Variants in ALDH1A2 observed in about 807,000 individuals in gnomAD.
ALDH1A2 encodes the protein retinal dehydrogenase 2.
A neutral mutation model predicts 60.3 loss-of-function variants in ALDH1A2; 27 were observed. The observed-to-expected ratio is 0.45, with a 90% confidence interval of 0.33 to 0.62. The LOEUF is 0.62. Among genes scored for constraint, ALDH1A2 ranks in the 20% least tolerant of loss-of-function variants. The pLI, the probability that ALDH1A2 is intolerant of heterozygous loss-of-function variation, is 0.02. For synonymous variants in ALDH1A2, 289 were observed against 232.4 expected (o/e 1.24, Z -2.21); for missense variants, 581 against 643.8 (o/e 0.90, Z 1.06).
At position 57,954,964 on chromosome 15, in the gene ALDH1A2, T is replaced by C; in HGVS notation, c.*233A>G. The C allele has an allele frequency of 1.7e-6, 1 of 594,052 alleles. No homozygotes were observed. The highest frequency in any genetic ancestry group is 2.0e-5 in the South Asian group (1 of 50,326). 36.8% of individuals were successfully genotyped at this position (594,052 alleles called of 1,614,324 possible). ...CTGCTAGCTCCTCCTCCTCCCTTTA[T>C]CCCACTTTCCCCAATATTTGGTATG... On this transcript the variant is annotated 3_prime_UTR_variant, in exon 13 of 13. Coordinates refer to ENST00000249750, the MANE Select transcript of ALDH1A2 (RefSeq NM_003888.4).
At chr15:57,958,716 G>A (rs896522890) in intron 12 of ALDH1A2, among the ~76,000 whole-genome samples, 1 of 152,092 alleles carries the variant, frequency 6.6e-6, no homozygotes, top group Non-Finnish European at 1.5e-5. Flanking sequence ...CAAATGAGGT[G>A]GAAGAGTTGG....
At chr15:58,002,774 T>C (rs1895317477) in intron 4 of ALDH1A2, among the ~76,000 whole-genome samples, 1 of 151,910 alleles carries the variant, frequency 6.6e-6, no homozygotes, top group Non-Finnish European at 1.5e-5. Flanking sequence ...AATCCCTAAT[T>C]TGTAGACAGA....
intron 1 of ALDH1A2, among the ~76,000 whole-genome samples, chr15:58,031,142 G>A (rs2140540531): frequency 6.6e-6 from 1 of 152,252 alleles, no homozygotes; most frequent in South Asian, 2.1e-4. Flanking sequence ...AACCAAAACA[G>A]CCTGGTACTA....
intron 1 of ALDH1A2, among the ~76,000 whole-genome samples, chr15:58,017,209 G>A (rs1895812960): frequency 6.6e-6 from 1 of 152,170 alleles, no homozygotes; most frequent in African/African-American, 2.4e-5. Context: ...TCATCATTTA[G>A]TATTTTGCAC....
intron 7 of ALDH1A2, among the ~76,000 whole-genome samples, chr15:57,987,684 T>C (rs1040072906): frequency 6.6e-6 from 1 of 151,948 alleles, no homozygotes; most frequent in Non-Finnish European, 1.5e-5. Flanking sequence ...ATCCAGACCA[T>C]CCTGGCTAAC....
chr15:57,978,249 G>A (rs1348204940), intron 7 of ALDH1A2, among the ~76,000 whole-genome samples: 1 of 152,192 alleles, frequency 6.6e-6, no homozygotes, highest in African/African-American at 2.4e-5. Context: ...AGTGGTGAGA[G>A]AGGGCATCCT....
chr15:57,971,833 C>T (rs748872810), intron 7 of ALDH1A2, among the ~76,000 whole-genome samples: 5 of 152,208 alleles, frequency 3.3e-5, no homozygotes, highest in Admixed American at 2.6e-4. Context: ...CAAGCAATCC[C>T]GCCATTCAGC....
intron 7 of ALDH1A2, among the ~76,000 whole-genome samples, chr15:57,987,658 A>G (rs1341341824): frequency 3.3e-5 from 5 of 152,176 alleles, no homozygotes; most frequent in Admixed American, 1.3e-4. Context: ...AGGCGGGCGG[A>G]TCACGAGGTC....
At chr15:58,045,738 C>T (rs746357395) in intron 1 of ALDH1A2, among the ~76,000 whole-genome samples, 9 of 151,894 alleles carry the variant, frequency 5.9e-5, no homozygotes, top group Admixed American at 5.2e-4. Context: ...ACACCCGGAC[C>T]TGTCAGGGGA....
intron 1 of ALDH1A2, among the ~76,000 whole-genome samples, chr15:58,041,071 C>T (rs547271878): frequency 6.6e-5 from 10 of 151,988 alleles, no homozygotes; most frequent in Admixed American, 3.9e-4. Flanking sequence ...CTTCAAGTGG[C>T]CATCTGTACC....
In ALDH1A2 at chr15:58,040,794, G is replaced by A. The variant is rs115086850; in HGVS notation, c.117+24740C>T. 2.2e-3 allele frequency among the ~76,000 whole-genome samples: 333 copies of A among 151,962 alleles called. 1 individual carries two copies. Among genetic ancestry groups the A allele is most frequent in the African/African-American group, 7.6e-3 (314 of 41,500 alleles). ...AATAATAATAAATGTTAACATTTGCGTGCTTACTATTTACAGGCTCTAGAC... is the reference window on the plus strand; with the variant it reads ...AATAATAATAAATGTTAACATTTGCATGCTTACTATTTACAGGCTCTAGAC... On this transcript the variant is annotated intron_variant, in intron 1 of 12. Coordinates refer to ENST00000249750, the MANE Select transcript of ALDH1A2 (RefSeq NM_003888.4).
At chr15:57,978,325 G>C (rs574871700) in intron 7 of ALDH1A2, among the ~76,000 whole-genome samples, 1 of 152,136 alleles carries the variant, frequency 6.6e-6, no homozygotes, top group Non-Finnish European at 1.5e-5. Flanking sequence ...TGTTGCCTGT[G>C]GGTTTGTCTT....
At chr15:58,010,896 C>G in intron 3 of ALDH1A2, 118 bp from the exon 4 acceptor site, 2 of 1,299,288 alleles carry the variant, frequency 1.5e-6, no homozygotes, top group Non-Finnish European at 2.2e-6. Context: ...AGTTGCATAC[C>G]TGGTCAACTA....
intron 7 of ALDH1A2, among the ~76,000 whole-genome samples, chr15:57,984,037 T>A (rs1407238190): frequency 6.6e-6 from 1 of 152,232 alleles, no homozygotes; most frequent in Non-Finnish European, 1.5e-5. Context: ...CCTTCCTAAG[T>A]ACCTCCATTA....
At chr15:58,005,600 T>G (rs1261355146) in intron 4 of ALDH1A2, among the ~76,000 whole-genome samples, 3 of 152,032 alleles carry the variant, frequency 2.0e-5, no homozygotes, top group African/African-American at 2.4e-5. Flanking sequence ...AATGGCTTAT[T>G]TCTTCCCATT....
At chr15:57,969,561 C>T (rs533714704) in intron 7 of ALDH1A2, among the ~76,000 whole-genome samples, 8 of 152,142 alleles carry the variant, frequency 5.3e-5, no homozygotes, top group Admixed American at 6.5e-5. Context: ...TGGGAGTGCA[C>T]GGCAAGATAA....
chr15:58,065,610 G>A lies in ALDH1A2; in HGVS notation c.41C>T (p.Ala14Val). The A allele has an allele frequency of 6.2e-7, 1 of 1,610,058 alleles. No homozygotes were observed. Among genetic ancestry groups the A allele is most frequent in the Non-Finnish European group, 8.5e-7 (1 of 1,177,934 alleles). The change falls in exon 1 of 13, where the codon GCC becomes GTC. Residue 14 changes from alanine (A) to valine (V), a missense_variant. Transcript: ENST00000249750. ...CGACGCCATGAGGGCGGCGGGGTCGGCCTTCACCTCGCCGGGCATCTCTAT... is the reference window on the plus strand; with the variant it reads ...CGACGCCATGAGGGCGGCGGGGTCGACCTTCACCTCGCCGGGCATCTCTAT... ...SKIEMPGEVK[A>V]DPAALMASLH...
Position 58,061,903 on chromosome 15 carries a change from A to C in ALDH1A2, c.117+3631T>G, listed in dbSNP as rs146883325. 1.8e-3 allele frequency among the ~76,000 whole-genome samples: 278 copies of C among 152,278 alleles called. 4 individuals carry two copies. The highest frequency in any genetic ancestry group is 6.0e-3 in the African/African-American group (248 of 41,548). On this transcript the variant is annotated intron_variant, in intron 1 of 12. Coordinates refer to ENST00000249750, the MANE Select transcript of ALDH1A2 (RefSeq NM_003888.4). ...TCAACTGAACTACTGCTGTACTAAC[A>C]ACCAATTTTTGGCACACAAACTTTT...
chr15:58,052,882 T>A (rs879345758), intron 1 of ALDH1A2, among the ~76,000 whole-genome samples: 1 of 152,164 alleles, frequency 6.6e-6, no homozygotes, highest in Non-Finnish European at 1.5e-5. Flanking sequence ...GATGTGTGTA[T>A]ACCTTCTTTA....
Sources: gnomAD v4.1 joint callset for allele counts (sites outside exome capture counted in the v4.1 genomes callset) on GRCh38, gnomAD v4.1.1 for gene constraint, MANE v1.5 for transcripts, NCBI Gene and HGNC (gene_info 2026-07-23, HGNC 2026-07-21) for gene names.